The following CNBD1 variants were observed in gnomAD, a reference collection of about 807,000 sequenced individuals.
CNBD1 encodes the protein cyclic nucleotide-binding domain-containing protein 1.
Under a neutral mutation model 54.4 loss-of-function variants are expected in CNBD1, and 71 were observed. The ratio of observed to expected loss-of-function variants is 1.30; its 90% CI spans 1.08 to 1.59. CNBD1 has a LOEUF of 1.59. Among genes scored for constraint, CNBD1 ranks in the 40% most tolerant of loss-of-function variants. CNBD1 has a pLI of 0.00. For synonymous variants in CNBD1, 182 were observed against 170.7 expected, an observed-to-expected ratio of 1.07 and a Z score of -0.51; for missense variants, 659 against 518.0, an observed-to-expected ratio of 1.27 and a Z score of -2.64.
intron 8 of CNBD1, among the ~76,000 whole-genome samples, chr8:87,320,506 C>T (rs6993369): frequency 6.6e-6 from 1 of 151,566 alleles, no homozygotes; most frequent in Non-Finnish European, 1.5e-5. Context: ...TATTTTGCCA[C>T]GAGTTAAAAT....
intron 2 of CNBD1, among the ~76,000 whole-genome samples, chr8:87,412,809 G>A (rs184435708): frequency 6.6e-6 from 1 of 152,084 alleles, no homozygotes; most frequent in Non-Finnish European, 1.5e-5. Context: ...GAGAAAAGAG[G>A]GAGGTAGGTT....
At chr8:86,982,036 G>A (rs1808499073) in intron 4 of CNBD1, among the ~76,000 whole-genome samples, 1 of 152,182 alleles carries the variant, frequency 6.6e-6, no homozygotes, top group Non-Finnish European at 1.5e-5. Context: ...GGCAATGTGT[G>A]AGAATTCCAG....
At chr8:87,303,416 G>T (rs1809059521) in intron 8 of CNBD1, among the ~76,000 whole-genome samples, 1 of 151,734 alleles carries the variant, frequency 6.6e-6, no homozygotes, top group Non-Finnish European at 1.5e-5. Context: ...AATGGTGCTG[G>T]GAAAACTGGC....
At chr8:87,375,424 G>A (rs752544210) in intron 10 of CNBD1, among the ~76,000 whole-genome samples, 26 of 151,612 alleles carry the variant, frequency 1.7e-4, no homozygotes, top group Non-Finnish European at 2.5e-4. Context: ...TTAGATAAAT[G>A]CCCACCAAGA....
At chr8:87,344,132 G>A (rs753064566) in intron 8 of CNBD1, among the ~76,000 whole-genome samples, 1 of 151,970 alleles carries the variant, frequency 6.6e-6, no homozygotes, top group African/African-American at 2.4e-5. Flanking sequence ...AAAATTATCT[G>A]TACAAACAGG....
In CNBD1 at chr8:86,972,585, C is replaced by A. The variant is rs562703085; in HGVS notation, c.431+32831C>A. The stretch of plus-strand genomic sequence containing the variant: ...AGTGCATATGAAGTACTTAAATGTA[C>A]AAAATTATGCACATAATAGGTAAGA... On this transcript the variant is annotated intron_variant, in intron 4 of 10. Coordinates refer to ENST00000518476, the MANE Select transcript of CNBD1 (RefSeq NM_173538.3). Among the ~76,000 whole-genome samples the A allele has an allele frequency of 7.9e-5, 12 of 152,242 alleles. No homozygotes were observed. In the South Asian group the frequency reaches 2.3e-3, roughly 29 times the overall value.
At chr8:87,234,773 CA>C (rs1276794215) in intron 5 of CNBD1, among the ~76,000 whole-genome samples, 2 of 152,134 alleles carry the variant, frequency 1.3e-5, no homozygotes, top group Admixed American at 6.6e-5. Flanking sequence ...AGCTGACCTG[CA>C]TGTCACCATC....
chr8:87,399,295 G>A (rs1384494542), intron 2 of CNBD1, among the ~76,000 whole-genome samples: 1 of 151,968 alleles, frequency 6.6e-6, no homozygotes, highest in African/African-American at 2.4e-5. Flanking sequence ...ACCCAGCCAT[G>A]GCAGGGTTAG....
At chr8:87,280,846 G>C (rs1808586533) in intron 6 of CNBD1, among the ~76,000 whole-genome samples, 1 of 151,222 alleles carries the variant, frequency 6.6e-6, no homozygotes, top group South Asian at 2.1e-4. Flanking sequence ...AATAAACTTA[G>C]TTATCAATTT....
At chr8:86,945,007 A>T (rs892131245) in intron 4 of CNBD1, among the ~76,000 whole-genome samples, 4 of 152,212 alleles carry the variant, frequency 2.6e-5, no homozygotes, top group African/African-American at 9.6e-5. Flanking sequence ...CACTAACATG[A>T]TGGAGAATCC....
At chr8:87,266,724 T>C (rs1289725205) in intron 6 of CNBD1, among the ~76,000 whole-genome samples, 2 of 151,948 alleles carry the variant, frequency 1.3e-5, no homozygotes, top group African/African-American at 4.8e-5. Context: ...AGTGCTGGGA[T>C]TACAGGCTTG....
chr8:87,359,304 T>C (rs916148532), intron 10 of CNBD1, among the ~76,000 whole-genome samples: 1 of 152,108 alleles, frequency 6.6e-6, no homozygotes, highest in Non-Finnish European at 1.5e-5. Flanking sequence ...CATTTTAAAT[T>C]CATTCCATAG....
intron 4 of CNBD1, among the ~76,000 whole-genome samples, chr8:87,065,770 A>T (rs1426887640): frequency 1.3e-5 from 2 of 151,968 alleles, no homozygotes; most frequent in Non-Finnish European, 2.9e-5. Context: ...TTGTCCTCCC[A>T]ATTTTCTACC....
chr8:87,405,633 G>A (rs1807639704), intron 2 of CNBD1, among the ~76,000 whole-genome samples: 1 of 152,090 alleles, frequency 6.6e-6, no homozygotes, highest in Admixed American at 6.6e-5. Flanking sequence ...TGGTCTGCAA[G>A]AGTAACACAT....
chr8:87,138,428 G>A (rs955569643), intron 4 of CNBD1, among the ~76,000 whole-genome samples: 14 of 152,110 alleles, frequency 9.2e-5, no homozygotes, highest in South Asian at 2.1e-4. Context: ...GTCAGCAACC[G>A]AAAAGAAACA....
chr8:87,419,893 AC>A (rs1481111434), intron 2 of CNBD1, among the ~76,000 whole-genome samples: 1 of 150,792 alleles, frequency 6.6e-6, no homozygotes, highest in African/African-American at 2.4e-5. Flanking sequence ...TTATATTGAA[AC>A]CTGATAAGGA....
intron 2 of CNBD1, among the ~76,000 whole-genome samples, chr8:86,890,494 C>T (rs561825639): frequency 5.9e-5 from 9 of 152,184 alleles, no homozygotes; most frequent in Non-Finnish European, 1.2e-4. Flanking sequence ...CACTGATGGA[C>T]ATTTAGGTTG....
intron 4 of CNBD1, among the ~76,000 whole-genome samples, chr8:87,151,814 A>G (rs1812610171): frequency 6.6e-6 from 1 of 152,110 alleles, no homozygotes; most frequent in Admixed American, 6.6e-5. Flanking sequence ...AATTTAGTTG[A>G]TTGGAAGGTT....
At chr8:87,307,710 C>T (rs894073358) in intron 8 of CNBD1, among the ~76,000 whole-genome samples, 2 of 145,886 alleles carry the variant, frequency 1.4e-5, no homozygotes, top group Non-Finnish European at 3.0e-5. Flanking sequence ...TGCATTCCAG[C>T]CTGGGCAAAA....
Sources: allele counts gnomAD v4.1 joint callset (sites outside exome capture counted in the v4.1 genomes callset), GRCh38; gene constraint gnomAD v4.1.1; transcripts MANE v1.5; gene names NCBI Gene and HGNC (gene_info 2026-07-23, HGNC 2026-07-21).